UBE4B: variants seen among roughly 807,000 people sequenced by gnomAD.
UBE4B encodes the protein ubiquitination factor E4B, also known as ubiquitin conjugation factor E4 B.
A neutral mutation model predicts 148.1 loss-of-function variants in UBE4B; 27 were observed. That is an observed-to-expected ratio of 0.18 (90% CI 0.13 to 0.25). The LOEUF (loss-of-function observed/expected upper bound fraction) is 0.25, where lower values mean the gene tolerates loss of function less well. Among genes scored for constraint, UBE4B ranks in the 10% least tolerant of loss-of-function variants. UBE4B has a pLI of 1.00. For synonymous variants in UBE4B, 596 were observed against 619.3 expected (o/e 0.96, Z 0.56); for missense variants, 1,170 against 1,662.4 (o/e 0.70, Z 5.15).
chr1:10,052,099 C>T (rs1644059008), intron 1 of UBE4B, among the ~76,000 whole-genome samples: 1 of 149,792 alleles, frequency 6.7e-6, no homozygotes, highest in Non-Finnish European at 1.5e-5. Flanking sequence ...CGGGGTCTTG[C>T]TCTGTCACCC....
intron 1 of UBE4B, among the ~76,000 whole-genome samples, chr1:10,049,098 T>C (rs1022045627): frequency 2.0e-5 from 3 of 152,204 alleles, no homozygotes; most frequent in African/African-American, 7.2e-5. Flanking sequence ...GATCATATTA[T>C]AGTTTTTAGA....
At chr1:10,154,418 A>G (rs934190555) in intron 21 of UBE4B, among the ~76,000 whole-genome samples, 3 of 152,210 alleles carry the variant, frequency 2.0e-5, no homozygotes, top group African/African-American at 7.2e-5. Flanking sequence ...CTACGAGACA[A>G]CAGCTGAATA....
intron 23 of UBE4B, among the ~76,000 whole-genome samples, chr1:10,164,810 T>G (rs948465180): frequency 2.0e-5 from 3 of 152,146 alleles, no homozygotes; most frequent in African/African-American, 7.2e-5. Context: ...TTCCCACTCA[T>G]GCTCTCTAGG....
At position 10,072,070 on chromosome 1, in the gene UBE4B, T is replaced by A. The variant is rs1415218195; in HGVS notation, c.67T>A (p.Ser23Thr). 2 of 1,611,748 alleles carry A rather than the reference T, an allele frequency of 1.2e-6. No individual in the cohort carries two copies. The highest frequency in any genetic ancestry group is 1.7e-6 in the Non-Finnish European group (2 of 1,179,178). Reference protein sequence around the residue: ...RLARLAGGQTSQPTTPLTSPQ... With the variant: ...RLARLAGGQTTQPTTPLTSPQ... ...TGCACGACTTGCTGGTGGACAGACC[T>A]CTCAGCCAACCACCCCACTCACCTC... Residue 23 changes from serine (S) to threonine (T), a missense_variant, in exon 2 of 28, where the codon TCT (serine) becomes ACT (threonine). Transcript: ENST00000343090.
intron 15 of UBE4B, among the ~76,000 whole-genome samples, chr1:10,134,058 A>G (rs1004672689): frequency 1.2e-4 from 19 of 152,044 alleles, no homozygotes; most frequent in East Asian, 3.9e-4. Context: ...TCAAAAAAAA[A>G]AAAGAAAGAA....
chr1:10,079,128 G>A (rs1428240087), intron 2 of UBE4B, among the ~76,000 whole-genome samples: 2 of 151,960 alleles, frequency 1.3e-5, no homozygotes, highest in African/African-American at 4.8e-5. Flanking sequence ...TCATTCCATG[G>A]TTCCCTTTGG....
intron 27 of UBE4B, 35 bp downstream of exon 27, chr1:10,179,597 C>T (rs760677775): frequency 3.7e-6 from 6 of 1,607,540 alleles, no homozygotes; most frequent in African/African-American, 2.7e-5. Context: ...GCAGCGCTGG[C>T]GTCAGTACCA....
intron 13 of UBE4B, 22 bp downstream of exon 13, chr1:10,130,638 A>C: frequency 6.2e-7 from 1 of 1,612,890 alleles, no homozygotes; most frequent in Non-Finnish European, 8.5e-7. Context: ...GGCTACTTGT[A>C]CTTTGCTGCC....
In UBE4B at chr1:10,158,401, C is replaced by T; in HGVS notation, c.2972C>T (p.Thr991Ile). The T allele has an allele frequency of 6.2e-7, 1 of 1,614,180 alleles. No homozygotes were observed. Among genetic ancestry groups the T allele is most frequent in the Non-Finnish European group, 8.5e-7 (1 of 1,180,032 alleles). Residue 991 changes from threonine (T) to isoleucine (I), a missense_variant, in exon 22 of 28, where the codon ACA becomes ATA. By Grantham distance (89) the Thr-to-Ile change is moderately conservative (BLOSUM62 -1). Coordinates refer to ENST00000343090, the MANE Select transcript of UBE4B (RefSeq NM_001105562.3). ...ACCAGTGAGTTTTATGACAAGTTCACAATTCGCTATCATATTAGCACCATT... is the reference window on the plus strand; with the variant it reads ...ACCAGTGAGTTTTATGACAAGTTCATAATTCGCTATCATATTAGCACCATT... ...GATSEFYDKF[T>I]IRYHISTIFK...
intron 1 of UBE4B, among the ~76,000 whole-genome samples, chr1:10,054,101 A>C (rs1446509836): frequency 6.6e-6 from 1 of 152,154 alleles, no homozygotes; most frequent in African/African-American, 2.4e-5. Context: ...TTTGACACAT[A>C]AACATTTATT....
intron 2 of UBE4B, among the ~76,000 whole-genome samples, chr1:10,080,176 C>CTTTG (rs1644653303): frequency 6.6e-6 from 1 of 152,042 alleles, no homozygotes; most frequent in Non-Finnish European, 1.5e-5. Flanking sequence ...AATCCCAGCA[C>CTTTG]TTTGGGAGGC....
intron 1 of UBE4B, among the ~76,000 whole-genome samples, chr1:10,071,053 C>A (rs376915900): frequency 6.6e-6 from 1 of 151,942 alleles, no homozygotes; most frequent in Non-Finnish European, 1.5e-5. Context: ...ATTACAGGCA[C>A]GCATCACCAC....
intron 7 of UBE4B, chr1:10,107,459 T>C: frequency 8.2e-7 from 1 of 1,217,110 alleles, no homozygotes; most frequent in Non-Finnish European, 1.0e-6. Flanking sequence ...GGGCGTGCTT[T>C]GAATCCAGGC....
intron 1 of UBE4B, among the ~76,000 whole-genome samples, chr1:10,035,438 C>A (rs1328500077): frequency 1.4e-5 from 2 of 139,534 alleles, no homozygotes; most frequent in Non-Finnish European, 3.1e-5. Context: ...GCTCTGTCGC[C>A]CAGGCTGGAG....
chr1:10,050,781 G>T (rs1246905473), intron 1 of UBE4B, among the ~76,000 whole-genome samples: 1 of 150,254 alleles, frequency 6.7e-6, no homozygotes, highest in African/African-American at 2.5e-5. Flanking sequence ...GCCCAGGCTG[G>T]TTTCCAACTC....
chr1:10,049,739 A>G (rs998841839), intron 1 of UBE4B, among the ~76,000 whole-genome samples: 33 of 152,048 alleles, frequency 2.2e-4, no homozygotes, highest in African/African-American at 7.5e-4. Flanking sequence ...CATATGTCCA[A>G]AATGGCTGGG....
intron 2 of UBE4B, among the ~76,000 whole-genome samples, chr1:10,086,073 G>A (rs541209557): frequency 4.6e-5 from 7 of 152,146 alleles, no homozygotes; most frequent in South Asian, 4.2e-4. Context: ...CCTGGTTCAC[G>A]CCATTCTCCT....
chr1:10,149,815 G>A (rs1438247989), intron 20 of UBE4B, among the ~76,000 whole-genome samples: 2 of 152,098 alleles, frequency 1.3e-5, no homozygotes, highest in African/African-American at 4.8e-5. Flanking sequence ...CACCATGATA[G>A]CACCTATGAC....
At chr1:10,070,951 G>C (rs1644474057) in intron 1 of UBE4B, among the ~76,000 whole-genome samples, 2 of 151,982 alleles carry the variant, frequency 1.3e-5, no homozygotes, top group Admixed American at 1.3e-4. Context: ...TCCCTCTGTT[G>C]CCCAGGCTAG....
Sources: gnomAD v4.1 joint callset for allele counts (sites outside exome capture counted in the v4.1 genomes callset) on GRCh38, gnomAD v4.1.1 for gene constraint, MANE v1.5 for transcripts, NCBI Gene and HGNC (gene_info 2026-07-23, HGNC 2026-07-21) for gene names.